The following SLC20A1 variants were observed in gnomAD, a reference collection of about 807,000 sequenced individuals.
SLC20A1 encodes the protein sodium-dependent phosphate transporter 1.
Under a neutral mutation model 62.7 loss-of-function variants are expected in SLC20A1, and 28 were observed. The observed-to-expected ratio is 0.45, with a 90% CI of 0.33 to 0.61. SLC20A1 has a LOEUF of 0.61. Among genes scored for constraint, SLC20A1 ranks in the 20% least tolerant of loss-of-function variants. SLC20A1 has a pLI of 0.02. For missense variants in SLC20A1, 673 were observed against 838.6 expected (o/e 0.80, Z 2.44); for synonymous variants, 305 against 302.9 (o/e 1.01, Z -0.07).
chr2:112,659,039 G>A lies in SLC20A1; in HGVS notation c.993G>A (p.Glu331=). ...LGDLEEAPER[E]RLPSVDLKEE... ...ATTTGGAGGAAGCTCCAGAGAGAGA[G>A]AGGCTTCCCAGCGTGGACTTGAAAG... is the stretch of plus-strand genomic sequence containing the variant. The change falls in exon 7 of 11, where the codon GAG becomes GAA. Residue 331 remains glutamate, a synonymous_variant. Transcript: ENST00000272542. 1 of 1,614,206 alleles carries A rather than the reference G, an allele frequency of 6.2e-7. No homozygotes were observed. The highest frequency in any genetic ancestry group is 8.5e-7 in the Non-Finnish European group (1 of 1,180,048).
intron 5 of SLC20A1, among the ~76,000 whole-genome samples, chr2:112,656,807 C>T (rs17647908): frequency 0.094 from 14,376 of 152,162 alleles, 932 homozygotes; most frequent in Non-Finnish European, 0.15. Context: ...AGTCATAGGT[C>T]CTTAGCGTGT....
In SLC20A1 at chr2:112,663,004, A is replaced by G; in HGVS notation, c.2019A>G (p.Arg673=). The change falls in exon 11 of 11, where the codon AGA becomes AGG. Residue 673 remains arginine, a synonymous_variant. Transcript: ENST00000272542. ...GTGCTGCCATCATGGCAATCTTCAG[A>G]TATGTCATCCTCAGAATGTGAAGCT... ...VISAAIMAIF[R]YVILRM The G allele has an allele frequency of 6.2e-7, 1 of 1,614,140 alleles. No individual in the cohort carries two copies. Among genetic ancestry groups the G allele is most frequent in the Non-Finnish European group, 8.5e-7 (1 of 1,180,014 alleles).
At position 112,659,545 on chromosome 2, in the gene SLC20A1, T is replaced by TA; in HGVS notation, c.1391dup (p.Tyr464Ter). The change falls in exon 8 of 11, where the codon TAC becomes TAAC. Residue 464 changes from tyrosine (Y) to a stop codon, truncating the protein, a stop_gained and frameshift_variant. Transcript: ENST00000272542. LOFTEE classifies it high-confidence loss of function. ...DSKKRIRMDS[Y>*]TSYCNAVSDL... ...CAAGAAGCGAATTCGAATGGACAGT[T>TA]ACACCAGTTACTGCAATGCTGTGTC... 1.2e-6 allele frequency: 2 copies of TA among 1,614,242 alleles called. No homozygotes were observed. The highest frequency in any genetic ancestry group is 1.1e-5 in the South Asian group (1 of 91,082).
intron 1 of SLC20A1, 61 bp downstream of exon 1, chr2:112,646,190 C>T (rs1686267690): frequency 6.6e-6 from 1 of 152,060 alleles, no homozygotes; most frequent in Non-Finnish European, 1.5e-5. Flanking sequence ...GCGCGGACGC[C>T]GTGGCGCTGG....
rs1212586586 is a variant in SLC20A1 at position 112,663,613 on chromosome 2, C to CT, written c.*594dup. On this transcript the variant is annotated 3_prime_UTR_variant, in exon 11 of 11. Transcript: ENST00000272542. ...ACACAGTGAAAATTTAAATTAGTAACTTTTTTGCAAGCAGTTTATTGACTG... is the reference window on the plus strand; with the variant it reads ...ACACAGTGAAAATTTAAATTAGTAACTTTTTTTGCAAGCAGTTTATTGACTG... 6.4e-6 allele frequency: 1 copy of CT among 155,660 alleles called. No homozygotes were observed. The highest frequency in any genetic ancestry group is 1.4e-5 in the Non-Finnish European group (1 of 70,056). The allele number at this position is 155,660 out of a possible 1,614,324, so 9.6% of individuals were successfully genotyped here.
intron 4 of SLC20A1, among the ~76,000 whole-genome samples, chr2:112,651,263 G>C (rs987663380): frequency 6.6e-6 from 1 of 152,048 alleles, no homozygotes; most frequent in Non-Finnish European, 1.5e-5. Context: ...GATTATTGTT[G>C]GAAGCTGTAG....
At chr2:112,648,052 C>T (rs913444148) in intron 4 of SLC20A1, among the ~76,000 whole-genome samples, 1 of 152,056 alleles carries the variant, frequency 6.6e-6, no homozygotes, top group Non-Finnish European at 1.5e-5. Flanking sequence ...TTGTTTAAAC[C>T]ACTGTTATAT....
chr2:112,662,036 C>G (rs1686763137), intron 10 of SLC20A1, among the ~76,000 whole-genome samples: 1 of 152,076 alleles, frequency 6.6e-6, no homozygotes, highest in African/African-American at 2.4e-5. Flanking sequence ...TTACAGAAGG[C>G]ATATTTCAGG....
At chr2:112,661,075 A>G (rs1686736393) in intron 9 of SLC20A1, 67 bp from the exon 10 acceptor site, 1 of 1,112,350 alleles carries the variant, frequency 9.0e-7, no homozygotes, top group African/African-American at 1.5e-5. Flanking sequence ...TGTTAACTTG[A>G]GGTGTAGTGT....
rs1686713652 is a variant in SLC20A1, at chr2:112,660,339, A to G, written c.1608-48A>G. On this transcript the variant is annotated intron_variant, in intron 8 of 10. Coordinates refer to ENST00000272542, the MANE Select transcript of SLC20A1 (RefSeq NM_005415.5). ...ATTCAGCAGATTGGGTCTTGCCAAG[A>G]TCTAGTTCTGCCTGAAAAGTCACTT... 3 of 1,550,816 alleles carry G rather than the reference A, an allele frequency of 1.9e-6. No individual in the cohort carries two copies. In the South Asian group the frequency reaches 3.5e-5, roughly 18 times the overall value.
intron 5 of SLC20A1, among the ~76,000 whole-genome samples, chr2:112,654,433 T>A (rs924996481): frequency 6.6e-6 from 1 of 152,232 alleles, no homozygotes; most frequent in Non-Finnish European, 1.5e-5. Flanking sequence ...TTTCGTTGTG[T>A]CCTTTATGGA....
chr2:112,653,740 C>T lies in SLC20A1; in HGVS notation c.658+942C>T, dbSNP rs560882833. Among the ~76,000 whole-genome samples, 37 of 152,096 alleles carry T rather than the reference C, an allele frequency of 2.4e-4. 1 individual carries two copies. The South Asian group carries it at 7.7e-3, about 32-fold the overall frequency. Reference sequence around the variant, plus strand: ...TAATGGGTTGTGACTTGCTCTTAAACCTCACTGAAGTAGTAAGTTGCTGAC... The same window carrying T: ...TAATGGGTTGTGACTTGCTCTTAAATCTCACTGAAGTAGTAAGTTGCTGAC... On this transcript the variant is annotated intron_variant, in intron 5 of 10. Transcript: ENST00000272542.
intron 4 of SLC20A1, among the ~76,000 whole-genome samples, chr2:112,650,081 C>G (rs1177535469): frequency 1.3e-5 from 2 of 152,100 alleles, no homozygotes; most frequent in East Asian, 3.8e-4. Context: ...GTCATTCATA[C>G]CCTACCCCAT....
Position 112,658,829 on chromosome 2 carries a change from A to G in SLC20A1, c.783A>G (p.Glu261=). The change falls in exon 7 of 11, where the codon GAA becomes GAG. Residue 261 remains glutamate (E), a synonymous_variant. Coordinates refer to ENST00000272542, the MANE Select transcript of SLC20A1 (RefSeq NM_005415.5). ...CPRMKRKIER[E]IKCSPSESPL... The stretch of plus-strand genomic sequence containing the variant: ...GACCCCCCTTTTTTTTCCTAGGAGA[A>G]ATAAAGTGTAGTCCTTCTGAAAGCC... 2 of 1,595,362 alleles carry G rather than the reference A, an allele frequency of 1.3e-6. No homozygotes were observed. Among genetic ancestry groups the G allele is most frequent in the South Asian group, 2.3e-5 (2 of 88,336 alleles).
rs1686600975 is a variant in SLC20A1, at chr2:112,656,799, T to C, written c.659-323T>C. Among the ~76,000 whole-genome samples the C allele has an allele frequency of 2.6e-5, 4 of 152,364 alleles. No homozygotes were observed. The South Asian group carries it at 8.3e-4, about 32-fold the overall frequency. On this transcript the variant is annotated intron_variant, in intron 5 of 10. Transcript: ENST00000272542. The stretch of plus-strand genomic sequence containing the variant: ...CACTTGCTGTCTTTTTCATAGCTAG[T>C]CATAGGTCCTTAGCGTGTAGTGATC...
At chr2:112,655,925 T>G (rs948930351) in intron 5 of SLC20A1, among the ~76,000 whole-genome samples, 1 of 152,252 alleles carries the variant, frequency 6.6e-6, no homozygotes, top group Non-Finnish European at 1.5e-5. Context: ...GGTCTTGAAC[T>G]CGTGACCTCA....
In SLC20A1 at chr2:112,660,025, T is replaced by C. The variant is rs147504764; in HGVS notation, c.1607+263T>C. On this transcript the variant is annotated intron_variant, in intron 8 of 10. Transcript: ENST00000272542. The stretch of plus-strand genomic sequence containing the variant: ...AAGGCTTTTGTCCATCAAGATGAGA[T>C]TCAGTTCTTTGGTAGTGAATTGTGG... 2.9e-3 allele frequency among the ~76,000 whole-genome samples: 448 copies of C among 152,366 alleles called. 2 individuals are homozygous for C. Among genetic ancestry groups the C allele is most frequent in the African/African-American group, 9.8e-3 (408 of 41,580 alleles).
intron 5 of SLC20A1, 44 bp from the exon 6 acceptor site, chr2:112,657,078 G>A: frequency 6.2e-7 from 1 of 1,612,992 alleles, no homozygotes. Flanking sequence ...ATTGCAGGGG[G>A]CTGTTGCCCT....
In SLC20A1 at chr2:112,659,729, T is replaced by G; in HGVS notation, c.1574T>G (p.Phe525Cys). ...TTCCTGCAGATCCTTACAGCCTGCTTTGGGTCATTCGCCCATGGTGGCAAT... is the reference window on the plus strand; with the variant it reads ...TTCCTGCAGATCCTTACAGCCTGCTGTGGGTCATTCGCCCATGGTGGCAAT... ...FQFLQILTAC[F>C]GSFAHGGNDV... Residue 525 changes from phenylalanine (F) to cysteine (C), a missense_variant, in exon 8 of 11, where the codon TTT becomes TGT. Physicochemically the swap from Phe to Cys is radical, Grantham distance 205. Coordinates refer to ENST00000272542, the MANE Select transcript of SLC20A1 (RefSeq NM_005415.5). The G allele has an allele frequency of 6.2e-7, 1 of 1,613,852 alleles. No homozygotes were observed. The highest frequency in any genetic ancestry group is 8.5e-7 in the Non-Finnish European group (1 of 1,179,742).
Sources: gnomAD v4.1 joint callset for allele counts (sites outside exome capture counted in the v4.1 genomes callset) on GRCh38, gnomAD v4.1.1 for gene constraint, MANE v1.5 for transcripts, NCBI Gene and HGNC (gene_info 2026-07-23, HGNC 2026-07-21) for gene names.